Variants in ADARB2 observed in about 807,000 individuals in gnomAD.
ADARB2 encodes adenosine deaminase RNA specific B2 (inactive), also known as inactive double-stranded RNA-specific editase B2.
Under a neutral mutation model 62.2 loss-of-function variants are expected in ADARB2, and 25 were observed. The ratio of observed to expected loss-of-function variants is 0.40; its 90% CI spans 0.29 to 0.56. The LOEUF (loss-of-function observed/expected upper bound fraction) is 0.56, where lower values mean the gene tolerates loss of function less well. Among genes scored for constraint, ADARB2 ranks in the 20% least tolerant of loss-of-function variants. The pLI is 0.43. For synonymous variants in ADARB2, 572 were observed against 500.8 expected, an observed-to-expected ratio of 1.14 and a Z score of -1.90; for missense variants, 1,071 against 1,077.4, an observed-to-expected ratio of 0.99 and a Z score of 0.08.
chr10:1,633,006 G>T lies in ADARB2; in HGVS notation c.100+104045C>A, dbSNP rs752442978. On this transcript the variant is annotated intron_variant, in intron 1 of 9. Transcript: ENST00000381312. ...GGGCCAAATGGAATGGAAGCTGGGG[G>T]CAGGGTGGATCGCCTCTGCTGGAGT... 2.6e-5 allele frequency among the ~76,000 whole-genome samples: 4 copies of T among 152,294 alleles called. No individual in the cohort carries two copies. In the South Asian group the frequency reaches 6.2e-4, roughly 24 times the overall value.
intron 1 of ADARB2, among the ~76,000 whole-genome samples, chr10:1,444,270 T>A (rs1476595350): frequency 3.2e-5 from 3 of 93,532 alleles, no homozygotes; most frequent in Non-Finnish European, 6.6e-5. Context: ...TCCATCTATT[T>A]CCATCTATCT....
chr10:1,424,801 C>T (rs564301112), intron 1 of ADARB2, among the ~76,000 whole-genome samples: 10 of 152,246 alleles, frequency 6.6e-5, no homozygotes, highest in South Asian at 6.2e-4. Flanking sequence ...ATTGAGAGGA[C>T]GATCTGTCAT....
intron 2 of ADARB2, among the ~76,000 whole-genome samples, chr10:1,373,318 A>G (rs1203804452): frequency 1.3e-5 from 2 of 151,686 alleles, no homozygotes; most frequent in South Asian, 4.2e-4. Flanking sequence ...TCTGACACAC[A>G]CACACACACC....
Position 1,255,803 on chromosome 10 carries a change from C to G in ADARB2, c.1193-13504G>C, listed in dbSNP as rs1159871077. 6.6e-6 allele frequency among the ~76,000 whole-genome samples: 1 copy of G among 152,184 alleles called. No homozygotes were observed. Among genetic ancestry groups the G allele is most frequent in the African/African-American group, 2.4e-5 (1 of 41,444 alleles). ...AAACAGGTCACACGTGTGTCTGTGA[C>G]TCATGGTGGGTCAAACACACTATAG... On this transcript the variant is annotated intron_variant, in intron 4 of 9. Transcript: ENST00000381312. The surrounding 1 kb of genome is among the most constrained non-coding windows in gnomAD (Gnocchi z 4.7).
intron 1 of ADARB2, among the ~76,000 whole-genome samples, chr10:1,440,942 A>G (rs1428273115): frequency 3.9e-5 from 6 of 152,252 alleles, no homozygotes; most frequent in Non-Finnish European, 2.9e-5. Context: ...CCTTTGCTAG[A>G]CCTAGAGGAA....
chr10:1,366,354 TG>T (rs1832313466), intron 2 of ADARB2, among the ~76,000 whole-genome samples: 1 of 152,242 alleles, frequency 6.6e-6, no homozygotes, highest in African/African-American at 2.4e-5. Context: ...ATCTCAGCCA[TG>T]GATGGCCCCA....
chr10:1,601,431 C>T (rs1833411644), intron 1 of ADARB2, among the ~76,000 whole-genome samples: 1 of 152,188 alleles, frequency 6.6e-6, no homozygotes. Flanking sequence ...AAGGAATCTC[C>T]CCATCTCAGC....
chr10:1,353,385 T>C (rs1293419985), intron 3 of ADARB2, among the ~76,000 whole-genome samples: 1 of 152,200 alleles, frequency 6.6e-6, no homozygotes, highest in Non-Finnish European at 1.5e-5. Flanking sequence ...TTCCAGCGCC[T>C]ACACAGCTGT....
intron 6 of ADARB2, among the ~76,000 whole-genome samples, chr10:1,217,505 G>A (rs1283108982): frequency 4.6e-5 from 7 of 152,172 alleles, no homozygotes; most frequent in African/African-American, 7.2e-5. Flanking sequence ...TGGACGTGTC[G>A]TTTTCAGAGG....
At chr10:1,604,604 G>C (rs1305548572) in intron 1 of ADARB2, among the ~76,000 whole-genome samples, 2 of 152,208 alleles carry the variant, frequency 1.3e-5, no homozygotes, top group African/African-American at 4.8e-5. Context: ...AAAATACAAA[G>C]AGCCTGGTTT....
chr10:1,385,310 G>A (rs533661398), intron 1 of ADARB2, among the ~76,000 whole-genome samples: 128 of 152,148 alleles, frequency 8.4e-4, no homozygotes, highest in African/African-American at 2.9e-3. Context: ...AAATATAGTC[G>A]AAGTAAAAAG....
intron 1 of ADARB2, chr10:1,526,926 T>C: frequency 2.5e-6 from 1 of 396,582 alleles, no homozygotes; most frequent in Non-Finnish European, 5.5e-6. Context: ...AAACATCCCC[T>C]GCATCTTAAT....
At chr10:1,721,651 C>A (rs528220534) in intron 1 of ADARB2, among the ~76,000 whole-genome samples, 1 of 152,328 alleles carries the variant, frequency 6.6e-6, no homozygotes, top group East Asian at 1.9e-4. Context: ...CTCACAAAAG[C>A]CCATTTAAGC....
In ADARB2 at chr10:1,287,680, C is replaced by A. The variant is rs555861322; in HGVS notation, c.1078-16611G>T. Among the ~76,000 whole-genome samples the A allele has an allele frequency of 3.9e-5, 6 of 152,308 alleles. No individual in the cohort carries two copies. In the South Asian group the frequency reaches 1.2e-3, roughly 32 times the overall value. ...ATTTAGTCACTTTTAGTGAAATCAT[C>A]AGTCTATTTTTGGTGAGGAAATGCT... On this transcript the variant is annotated intron_variant, in intron 3 of 9. Transcript: ENST00000381312.
intron 7 of ADARB2, among the ~76,000 whole-genome samples, chr10:1,201,614 G>A (rs1023986781): frequency 6.7e-5 from 10 of 150,282 alleles, no homozygotes; most frequent in Admixed American, 2.0e-4. Flanking sequence ...CTGGATCTCG[G>A]ATGGTCGTAA....
chr10:1,640,495 A>G (rs949041184), intron 1 of ADARB2, among the ~76,000 whole-genome samples: 14 of 152,236 alleles, frequency 9.2e-5, no homozygotes, highest in Non-Finnish European at 1.9e-4. Flanking sequence ...ACATTTTGAC[A>G]TAAAATATGA....
At chr10:1,657,752 T>A (rs1266411364) in intron 1 of ADARB2, among the ~76,000 whole-genome samples, 1 of 152,188 alleles carries the variant, frequency 6.6e-6, no homozygotes, top group Admixed American at 6.5e-5. Flanking sequence ...CTTCCTTTGC[T>A]GGGAGGCATG....
chr10:1,444,396 C>T (rs1312717566), intron 1 of ADARB2, among the ~76,000 whole-genome samples: 13 of 147,834 alleles, frequency 8.8e-5, no homozygotes, highest in African/African-American at 3.3e-4. Flanking sequence ...CATCTATCTA[C>T]ATCCATCCAT....
chr10:1,445,960 A>G (rs895095067), intron 1 of ADARB2, among the ~76,000 whole-genome samples: 1 of 152,222 alleles, frequency 6.6e-6, no homozygotes, highest in Admixed American at 6.5e-5. Context: ...TTCTTTCGAT[A>G]TTATAGTCCA....
Sources: gnomAD v4.1 joint callset for allele counts (sites outside exome capture counted in the v4.1 genomes callset) on GRCh38, gnomAD v4.1.1 for gene constraint, Gnocchi (gnomAD v3.1) non-coding constraint, MANE v1.5 for transcripts, NCBI Gene and HGNC (gene_info 2026-07-23, HGNC 2026-07-21) for gene names.